Variants in SYT2 observed in about 807,000 individuals in gnomAD.
SYT2 encodes synaptotagmin 2.
A neutral mutation model predicts 39.9 loss-of-function variants in SYT2; 15 were observed. That is an observed-to-expected ratio of 0.38 (90% CI 0.25 to 0.58). SYT2 has a LOEUF of 0.58. SYT2 is among the 20% of genes least tolerant of loss of function. The probability of loss-of-function intolerance (pLI) is 0.70; values close to 1 mark genes in which losing one functional copy is unlikely to be tolerated. For synonymous variants in SYT2, 181 were observed against 204.5 expected (o/e 0.89, Z 0.98); for missense variants, 389 against 530.3 (o/e 0.73, Z 2.62).
chr1:202,661,372 AGATG>A (rs1370915613), intron 1 of SYT2, among the ~76,000 whole-genome samples: 1 of 151,952 alleles, frequency 6.6e-6, no homozygotes, highest in Non-Finnish European at 1.5e-5. Flanking sequence ...AGCCTAGAAG[AGATG>A]GATGGCTTCG....
intron 1 of SYT2, among the ~76,000 whole-genome samples, chr1:202,674,599 T>C (rs944488692): frequency 6.6e-6 from 1 of 152,224 alleles, no homozygotes; most frequent in Non-Finnish European, 1.5e-5. Context: ...TCCATATCTG[T>C]ATAACTGATG....
In SYT2 at chr1:202,602,408, G is replaced by A; in HGVS notation, c.603C>T (p.Asn201=). The part of the protein sequence containing the change: ...YETKVHRKTL[N]PAFNETFTFK... ...AGGTGAAGGTTTCATTGAAGGCAGG[G>A]TTCAGTGTCTTCCGATGGACTTTGG... Residue 201 remains asparagine, a synonymous_variant, in exon 5 of 9, where the codon AAC becomes AAT. Transcript: ENST00000367268. 1 of 1,614,182 alleles carries A rather than the reference G, an allele frequency of 6.2e-7. No homozygotes were observed. Among genetic ancestry groups the A allele is most frequent in the Non-Finnish European group, 8.5e-7 (1 of 1,180,006 alleles).
At chr1:202,605,839 A>T in intron 1 of SYT2, 50 bp from the exon 2 acceptor site, 1 of 1,450,810 alleles carries the variant, frequency 6.9e-7, no homozygotes. Context: ...AGGTCGTCTT[A>T]CCCTGAGAAA....
Position 202,623,696 on chromosome 1 carries a change from C to T in SYT2, c.-17-17907G>A, listed in dbSNP as rs1021154505. Among the ~76,000 whole-genome samples, 9 of 152,264 alleles carry T rather than the reference C, an allele frequency of 5.9e-5. No individual in the cohort carries two copies. Among genetic ancestry groups the T allele is most frequent in the African/African-American group, 1.4e-4 (6 of 41,554 alleles). ...CGTGGGCCCCAGGAGGTCTGTTGTGCGCATGCTCTGAGTGTGAGGGAGGAC... is the reference window on the plus strand; with the variant it reads ...CGTGGGCCCCAGGAGGTCTGTTGTGTGCATGCTCTGAGTGTGAGGGAGGAC... On this transcript the variant is annotated intron_variant, in intron 1 of 8. Transcript: ENST00000367268. This position sits in a 1 kb window ranked among gnomAD's most constrained non-coding sequence, Gnocchi z 4.2.
At chr1:202,615,224 CAGG>C (rs1558431105) in intron 1 of SYT2, among the ~76,000 whole-genome samples, 3 of 152,142 alleles carry the variant, frequency 2.0e-5, no homozygotes, top group African/African-American at 7.2e-5. Context: ...CCAACAAAAC[CAGG>C]AGGCCATAGC....
chr1:202,690,625 C>T lies in SYT2; in HGVS notation c.-18+19633G>A, dbSNP rs200971399. On this transcript the variant is annotated intron_variant, in intron 1 of 8. Coordinates refer to ENST00000367268, the MANE Select transcript of SYT2 (RefSeq NM_177402.5). ...AAGGACAAGGTGGTCACATCTCCTG[C>T]GGCAAGCCACCAAGTCTCTGGACGG... is the stretch of plus-strand genomic sequence containing the variant. 2.0e-5 allele frequency among the ~76,000 whole-genome samples: 3 copies of T among 152,204 alleles called. No homozygotes were observed. The East Asian group carries it at 5.8e-4, about 29-fold the overall frequency.
intron 1 of SYT2, among the ~76,000 whole-genome samples, chr1:202,689,848 A>T (rs1253077187): frequency 6.6e-6 from 1 of 151,766 alleles, no homozygotes; most frequent in Non-Finnish European, 1.5e-5. Flanking sequence ...TCCCGGAATT[A>T]AGGGCCTTTC....
rs116666851 is a variant in SYT2 at position 202,597,236 on chromosome 1, T to G, written c.1054-273A>C. ...GAGGGGGAGAAGAGGGAAGGAAAAG[T>G]GAAAAGATGAATTTCACTTCCTCAA... On this transcript the variant is annotated intron_variant, in intron 8 of 8. Coordinates refer to ENST00000367268, the MANE Select transcript of SYT2 (RefSeq NM_177402.5). 0.015 allele frequency among the ~76,000 whole-genome samples: 2,342 copies of G among 152,234 alleles called. 55 individuals are homozygous for G. The highest frequency in any genetic ancestry group is 0.053 in the African/African-American group (2,219 of 41,534).
intron 1 of SYT2, among the ~76,000 whole-genome samples, chr1:202,670,123 C>T (rs940624233): frequency 6.6e-6 from 1 of 152,182 alleles, no homozygotes; most frequent in Admixed American, 6.5e-5. Flanking sequence ...CTAATGCTAT[C>T]AGCCAGGGGT....
intron 1 of SYT2, among the ~76,000 whole-genome samples, chr1:202,685,316 G>T (rs1300500762): frequency 6.6e-6 from 1 of 152,058 alleles, no homozygotes; most frequent in South Asian, 2.1e-4. Context: ...ACCACCACCT[G>T]CTATTCCAGG....
At chr1:202,612,543 T>C (rs1186448266) in intron 1 of SYT2, among the ~76,000 whole-genome samples, 1 of 152,192 alleles carries the variant, frequency 6.6e-6, no homozygotes, top group African/African-American at 2.4e-5. Context: ...AATTTTTGTA[T>C]TTTTGTAGAG....
chr1:202,665,171 C>T (rs1457744739), intron 1 of SYT2, among the ~76,000 whole-genome samples: 3 of 152,182 alleles, frequency 2.0e-5, no homozygotes, highest in African/African-American at 4.8e-5. Flanking sequence ...GGGTAATGAA[C>T]TGGTCCCTGG....
At chr1:202,709,163 C>T (rs1654326796) in intron 1 of SYT2, among the ~76,000 whole-genome samples, 1 of 152,198 alleles carries the variant, frequency 6.6e-6, no homozygotes, top group Admixed American at 6.5e-5. Context: ...GCCCACGGGG[C>T]CTCTGCCCTT....
intron 1 of SYT2, among the ~76,000 whole-genome samples, chr1:202,685,864 A>G (rs1653650023): frequency 1.3e-5 from 2 of 152,044 alleles, no homozygotes; most frequent in African/African-American, 4.8e-5. Flanking sequence ...CCTGCAAGCA[A>G]GGCGAGGGAA....
At chr1:202,647,919 C>T (rs1439289442) in intron 1 of SYT2, among the ~76,000 whole-genome samples, 1 of 152,028 alleles carries the variant, frequency 6.6e-6, no homozygotes, top group African/African-American at 2.4e-5. Context: ...TTGGATCTCA[C>T]AGTAATTCTG....
chr1:202,652,754 C>CA (rs1259238525), intron 1 of SYT2, among the ~76,000 whole-genome samples: 1 of 152,200 alleles, frequency 6.6e-6, no homozygotes, highest in Non-Finnish European at 1.5e-5. Flanking sequence ...ACCCTGGCTT[C>CA]AAAATCAGAC....
chr1:202,630,352 A>C (rs1691548934), intron 1 of SYT2: 1 of 985,002 alleles, frequency 1.0e-6, no homozygotes. Flanking sequence ...AGACCCCAAT[A>C]GAGCGCCGTG....
At chr1:202,701,408 T>C (rs1654117860) in intron 1 of SYT2, among the ~76,000 whole-genome samples, 3 of 152,232 alleles carry the variant, frequency 2.0e-5, no homozygotes, top group Admixed American at 2.0e-4. Flanking sequence ...GTAATATTTC[T>C]GTAAGAAGCA....
chr1:202,675,761 T>G (rs1200914641), intron 1 of SYT2, among the ~76,000 whole-genome samples: 1 of 152,206 alleles, frequency 6.6e-6, no homozygotes, highest in Non-Finnish European at 1.5e-5. Flanking sequence ...GCAGCCAGGC[T>G]AATAATCCTG....
Sources: gnomAD v4.1 joint callset for allele counts (sites outside exome capture counted in the v4.1 genomes callset) on GRCh38, gnomAD v4.1.1 for gene constraint, Gnocchi (gnomAD v3.1) non-coding constraint, MANE v1.5 for transcripts, NCBI Gene and HGNC (gene_info 2026-07-23, HGNC 2026-07-21) for gene names.